The following THSD7B variants were observed in gnomAD, a reference collection of about 807,000 sequenced individuals.
THSD7B encodes the protein thrombospondin type 1 domain containing 7B, also known as thrombospondin type-1 domain-containing protein 7B.
In THSD7B, 138 loss-of-function variants were observed where a neutral mutation model predicts 213.6. The ratio of observed to expected loss-of-function variants is 0.65; its 90% CI spans 0.56 to 0.74. The LOEUF is 0.74. Ranked by LOEUF, THSD7B falls within the 30% of genes least tolerant of loss-of-function variation. THSD7B has a pLI of 0.00. For missense variants in THSD7B, 1,931 were observed against 1,991.5 expected, an observed-to-expected ratio of 0.97 and a Z score of 0.58; for synonymous variants, 742 against 687.0, an observed-to-expected ratio of 1.08 and a Z score of -1.25.
chr2:137,369,433 G>A (rs1452338377), intron 12 of THSD7B, among the ~76,000 whole-genome samples: 1 of 152,006 alleles, frequency 6.6e-6, no homozygotes. Context: ...AATTTGCACT[G>A]GACTGTTTCT....
At chr2:137,250,908 C>A (rs905927345) in intron 10 of THSD7B, among the ~76,000 whole-genome samples, 9 of 152,124 alleles carry the variant, frequency 5.9e-5, no homozygotes, top group Admixed American at 4.6e-4. Context: ...TTTGTTCTGA[C>A]CCTTCTGCTG....
At chr2:137,385,629 A>C (rs1023674472) in intron 12 of THSD7B, among the ~76,000 whole-genome samples, 2 of 151,752 alleles carry the variant, frequency 1.3e-5, no homozygotes, top group Non-Finnish European at 2.9e-5. Flanking sequence ...GAGTGGACAA[A>C]AGGTGGCCAA....
At chr2:137,148,720 TAG>T (rs973221526) in intron 5 of THSD7B, among the ~76,000 whole-genome samples, 108 of 152,264 alleles carry the variant, frequency 7.1e-4, no homozygotes, top group African/African-American at 2.5e-3. Context: ...GTCCCTGCCC[TAG>T]AGATCTGTGG....
At chr2:136,881,621 T>G (rs999848) in intron 1 of THSD7B, among the ~76,000 whole-genome samples, 96,495 of 151,498 alleles carry the variant, frequency 0.64, 32,174 homozygotes, top group Non-Finnish European at 0.74. Flanking sequence ...CTTACCTGAT[T>G]TTATTTCAGA....
At chr2:137,270,722 G>A (rs942051005) in intron 10 of THSD7B, among the ~76,000 whole-genome samples, 1 of 152,128 alleles carries the variant, frequency 6.6e-6, no homozygotes, top group Non-Finnish European at 1.5e-5. Flanking sequence ...TCTGATGGAG[G>A]ACAGGAGTGA....
At chr2:137,260,252 A>T (rs1159415066) in intron 10 of THSD7B, among the ~76,000 whole-genome samples, 1 of 152,216 alleles carries the variant, frequency 6.6e-6, no homozygotes, top group African/African-American at 2.4e-5. Flanking sequence ...ATAATATATT[A>T]CTATGATATT....
At chr2:137,172,012 T>A (rs1271673911) in intron 7 of THSD7B, among the ~76,000 whole-genome samples, 3 of 152,238 alleles carry the variant, frequency 2.0e-5, no homozygotes, top group African/African-American at 4.8e-5. Context: ...TATTAACATA[T>A]AATTTTTGAA....
intron 2 of THSD7B, among the ~76,000 whole-genome samples, chr2:137,009,389 C>G (rs1686180490): frequency 6.6e-6 from 1 of 152,226 alleles, no homozygotes; most frequent in Admixed American, 6.5e-5. Flanking sequence ...CTGTTTCATG[C>G]ATTATAGTAT....
At chr2:137,589,364 T>G (rs555744156) in intron 17 of THSD7B, among the ~76,000 whole-genome samples, 2 of 152,178 alleles carry the variant, frequency 1.3e-5, no homozygotes, top group South Asian at 4.1e-4. Context: ...CTACCCAGAA[T>G]CATATAAATA....
intron 2 of THSD7B, among the ~76,000 whole-genome samples, chr2:136,900,784 G>A (rs1041539402): frequency 4.6e-5 from 7 of 152,142 alleles, no homozygotes; most frequent in Non-Finnish European, 1.0e-4. Flanking sequence ...GTTAATATCT[G>A]TAAAAATCAT....
chr2:137,449,671 G>A (rs1687608816), intron 14 of THSD7B, among the ~76,000 whole-genome samples: 1 of 152,156 alleles, frequency 6.6e-6, no homozygotes, highest in African/African-American at 2.4e-5. Flanking sequence ...GCAGTTTCCT[G>A]TCATGTGACC....
chr2:136,847,158 C>G (rs1467161650), intron 1 of THSD7B, among the ~76,000 whole-genome samples: 1 of 152,118 alleles, frequency 6.6e-6, no homozygotes, highest in Non-Finnish European at 1.5e-5. Flanking sequence ...GGAAAGGAAG[C>G]CTTCTACCCC....
chr2:137,125,654 A>G (rs1432211), intron 5 of THSD7B, among the ~76,000 whole-genome samples: 78,497 of 152,056 alleles, frequency 0.52, 21,598 homozygotes, highest in Non-Finnish European at 0.6. Context: ...ATGGATCACA[A>G]ATGTTCTTAA....
intron 2 of THSD7B, among the ~76,000 whole-genome samples, chr2:137,053,367 T>C (rs1315397602): frequency 6.6e-6 from 1 of 152,162 alleles, no homozygotes; most frequent in East Asian, 1.9e-4. Context: ...GTTATACTTT[T>C]TTTCTCCAAT....
intron 21 of THSD7B, among the ~76,000 whole-genome samples, chr2:137,644,499 G>C (rs922476649): frequency 1.8e-4 from 28 of 152,152 alleles, no homozygotes; most frequent in Admixed American, 2.0e-4. Context: ...AAGCAGAGGT[G>C]CAAGAGAAAG....
At chr2:137,194,664 A>G (rs1462785050) in intron 7 of THSD7B, among the ~76,000 whole-genome samples, 1 of 152,130 alleles carries the variant, frequency 6.6e-6, no homozygotes, top group African/African-American at 2.4e-5. Flanking sequence ...TTTCAAGATT[A>G]TTCCTATTCT....
chr2:137,157,461 T>G (rs761911422), intron 5 of THSD7B, among the ~76,000 whole-genome samples: 1 of 152,196 alleles, frequency 6.6e-6, no homozygotes. Context: ...TTTGGCTGGC[T>G]TCCCCCTTAT....
intron 12 of THSD7B, among the ~76,000 whole-genome samples, chr2:137,359,810 G>T (rs1159313484): frequency 2.0e-5 from 3 of 152,092 alleles, no homozygotes; most frequent in Non-Finnish European, 4.4e-5. Flanking sequence ...TGGGATTTCT[G>T]CTATACTTAT....
intron 2 of THSD7B, among the ~76,000 whole-genome samples, chr2:137,039,820 CTT>C (rs1483392580): frequency 1.3e-5 from 2 of 152,204 alleles, no homozygotes; most frequent in Non-Finnish European, 2.9e-5. Context: ...GCCATTGACT[CTT>C]TGCTTTGGGT....
Sources: gnomAD v4.1 joint callset for allele counts (sites outside exome capture counted in the v4.1 genomes callset) on GRCh38, gnomAD v4.1.1 for gene constraint, MANE v1.5 for transcripts, NCBI Gene and HGNC (gene_info 2026-07-23, HGNC 2026-07-21) for gene names.